The following SIRT5 variants were observed in gnomAD, a reference collection of about 807,000 sequenced individuals.
SIRT5 encodes the protein sirtuin 5.
A neutral mutation model predicts 40.0 loss-of-function variants in SIRT5; 26 were observed. The observed-to-expected ratio is 0.65, with a 90% CI of 0.48 to 0.90. The LOEUF (loss-of-function observed/expected upper bound fraction) is 0.90, where lower values mean the gene tolerates loss of function less well. Among genes scored for constraint, SIRT5 ranks in the 40% least tolerant of loss-of-function variants. The pLI, the probability that SIRT5 is intolerant of heterozygous loss-of-function variation, is 0.00. For synonymous variants in SIRT5, 146 were observed against 149.1 expected (o/e 0.98, Z 0.15); for missense variants, 401 against 402.4 (o/e 1.00, Z 0.03).
At position 13,604,378 on chromosome 6, in the gene SIRT5, A is replaced by G. The variant is rs553901159; in HGVS notation, c.857+3429A>G. ...CTCAAGCCTCCTGTCTGTTTGAAAG[A>G]CCATCAGAAAACTCGAAGAGTGGGA... is the stretch of plus-strand genomic sequence containing the variant. On this transcript the variant is annotated intron_variant, in intron 9 of 9. Transcript: ENST00000606117. 194 of 809,404 alleles carry G rather than the reference A, an allele frequency of 2.4e-4. 1 individual carries two copies. Among genetic ancestry groups the G allele is most frequent in the East Asian group, 4.0e-4 (16 of 40,402 alleles). 50.1% of individuals were successfully genotyped at this position (809,404 alleles called of 1,614,324 possible). A position where few individuals can be genotyped will look rare whatever the true frequency, so the allele number is the denominator to read the frequency against.
chr6:13,590,800 TGTG>T (rs752382248), intron 4 of SIRT5, among the ~76,000 whole-genome samples: 4 of 146,858 alleles, frequency 2.7e-5, no homozygotes, highest in Admixed American at 1.3e-4. Flanking sequence ...TGTATGTAGT[TGTG>T]TGTGTGTGTA....
At chr6:13,608,931 T>A (rs1763478783) in intron 9 of SIRT5, among the ~76,000 whole-genome samples, 1 of 152,010 alleles carries the variant, frequency 6.6e-6, no homozygotes, top group South Asian at 2.1e-4. Flanking sequence ...AAGCGATTCT[T>A]CTGCCTCAGC....
chr6:13,610,379 T>G (rs1763672322), intron 9 of SIRT5, among the ~76,000 whole-genome samples: 1 of 152,180 alleles, frequency 6.6e-6, no homozygotes, highest in African/African-American at 2.4e-5. Flanking sequence ...ATCTATTCAC[T>G]GAAAATCCTT....
chr6:13,591,089 TTG>T (rs1363489608), intron 4 of SIRT5, among the ~76,000 whole-genome samples: 2 of 151,300 alleles, frequency 1.3e-5, no homozygotes, highest in Non-Finnish European at 3.0e-5. Flanking sequence ...GTGTGTGCAG[TTG>T]TGTGTGTGTA....
At position 13,612,516 on chromosome 6, in the gene SIRT5, T is replaced by A. The variant is rs1246647447; in HGVS notation, c.*651T>A. ...CCACCACACCCAGCTAATTTTGTAT[T>A]TTTAGTAGAGACGGGGTTTCTCCAT... On this transcript the variant is annotated 3_prime_UTR_variant, in exon 10 of 10. Coordinates refer to ENST00000606117, the MANE Select transcript of SIRT5 (RefSeq NM_012241.5). 6.6e-6 allele frequency: 1 copy of A among 152,084 alleles called. No individual in the cohort carries two copies. Among genetic ancestry groups the A allele is most frequent in the Non-Finnish European group, 1.5e-5 (1 of 68,066 alleles). The allele number at this position is 152,084 out of a possible 1,614,324, so 9.4% of individuals were successfully genotyped here. A position where few individuals can be genotyped will look rare whatever the true frequency, so the allele number is the denominator to read the frequency against.
intron 9 of SIRT5, among the ~76,000 whole-genome samples, chr6:13,611,234 T>TAC (rs1357585285): frequency 7.5e-6 from 1 of 132,682 alleles, no homozygotes; most frequent in Non-Finnish European, 1.6e-5. Flanking sequence ...TATATATATA[T>TAC]ATACACACAC....
In SIRT5 at chr6:13,613,958, A is replaced by G. The variant is rs1229392331; in HGVS notation, c.*2093A>G. On this transcript the variant is annotated 3_prime_UTR_variant, in exon 10 of 10. Transcript: ENST00000606117. ...GTTCTTTGCAATTCCTCTCATACTG[A>G]ACCTCTGGTTCAGCAGCTTTTTTTG... 6.6e-6 allele frequency: 1 copy of G among 152,174 alleles called. No homozygotes were observed. The highest frequency in any genetic ancestry group is 1.9e-4 in the East Asian group (1 of 5,200). The allele number at this position is 152,174 out of a possible 1,614,324, so 9.4% of individuals were successfully genotyped here.
intron 2 of SIRT5, among the ~76,000 whole-genome samples, chr6:13,582,512 A>G (rs1416128650): frequency 1.3e-5 from 2 of 151,658 alleles, no homozygotes; most frequent in African/African-American, 4.8e-5. Context: ...GTCTAATAAA[A>G]TTAACCCTTT....
At chr6:13,604,671 G>A (rs1762869791) in intron 9 of SIRT5, 1 of 1,405,460 alleles carries the variant, frequency 7.1e-7, no homozygotes, top group South Asian at 1.6e-5. Flanking sequence ...TGGATATGGT[G>A]GCTGTGTCTT....
At chr6:13,599,983 GGT>G (rs1285353625) in intron 8 of SIRT5, among the ~76,000 whole-genome samples, 1 of 152,168 alleles carries the variant, frequency 6.6e-6, no homozygotes, top group Non-Finnish European at 1.5e-5. Flanking sequence ...TTGACTGTAT[GGT>G]GTTATATATG....
intron 2 of SIRT5, among the ~76,000 whole-genome samples, chr6:13,581,532 T>C (rs1169806976): frequency 2.0e-5 from 3 of 152,238 alleles, no homozygotes; most frequent in Non-Finnish European, 4.4e-5. Context: ...AGCTGCCAGC[T>C]TTTCTACTAT....
chr6:13,596,879 C>A, intron 6 of SIRT5, 84 bp from the exon 7 acceptor site: 1 of 1,114,360 alleles, frequency 9.0e-7, no homozygotes, highest in Non-Finnish European at 1.3e-6. Flanking sequence ...TACTGCCAGG[C>A]AAATATACAA....
chr6:13,594,181 TAAC>T (rs1761293203), intron 5 of SIRT5, among the ~76,000 whole-genome samples: 1 of 152,178 alleles, frequency 6.6e-6, no homozygotes, highest in African/African-American at 2.4e-5. Flanking sequence ...CCACGGAGAA[TAAC>T]AACAAAGTCA....
rs546355246 is a variant in SIRT5 at position 13,575,182 on chromosome 6, T to A, written c.-195+438T>A. 2.2e-3 allele frequency among the ~76,000 whole-genome samples: 335 copies of A among 152,026 alleles called. 4 individuals are homozygous for A. Among genetic ancestry groups the A allele is most frequent in the African/African-American group, 7.7e-3 (321 of 41,458 alleles). On this transcript the variant is annotated intron_variant, in intron 1 of 9. Transcript: ENST00000606117. ...GCCCGCGTGGAGTGGAAGCTGCCTC[T>A]TGGACACAGGGCGGGGAGGCCGCAT...
chr6:13,614,760 C>G lies in SIRT5; in HGVS notation c.*2895C>G, dbSNP rs958291446. 2 of 152,254 alleles carry G rather than the reference C, an allele frequency of 1.3e-5. No individual in the cohort carries two copies. The highest frequency in any genetic ancestry group is 4.8e-5 in the African/African-American group (2 of 41,454). 9.4% of individuals were successfully genotyped at this position (152,254 alleles called of 1,614,324 possible). Reference sequence around the variant, plus strand: ...GCTGCGGCCGCGGAGCTGGGAAGGCCGAGGGCGCCGGGCACGTCTGTGCAG... The same window carrying G: ...GCTGCGGCCGCGGAGCTGGGAAGGCGGAGGGCGCCGGGCACGTCTGTGCAG... On this transcript the variant is annotated 3_prime_UTR_variant, in exon 10 of 10. Coordinates refer to ENST00000606117, the MANE Select transcript of SIRT5 (RefSeq NM_012241.5).
At chr6:13,602,272 A>G (rs771547134) in intron 9 of SIRT5, among the ~76,000 whole-genome samples, 1 of 152,216 alleles carries the variant, frequency 6.6e-6, no homozygotes, top group Non-Finnish European at 1.5e-5. Context: ...TGAAAATGCA[A>G]GGGACCCAAA....
intron 4 of SIRT5, 88 bp downstream of exon 4, chr6:13,588,552 C>T (rs1296603856): frequency 6.9e-7 from 1 of 1,443,004 alleles, no homozygotes; most frequent in African/African-American, 1.4e-5. Context: ...TCCCCGAAAC[C>T]CCAGGGAAAT....
At chr6:13,585,279 C>T (rs964841975) in intron 3 of SIRT5, among the ~76,000 whole-genome samples, 2 of 151,902 alleles carry the variant, frequency 1.3e-5, no homozygotes, top group African/African-American at 4.8e-5. Context: ...TTCTAGGGTA[C>T]ATGTGCACAA....
At chr6:13,609,020 C>T (rs369718800) in intron 9 of SIRT5, among the ~76,000 whole-genome samples, 3 of 152,258 alleles carry the variant, frequency 2.0e-5, no homozygotes, top group Admixed American at 6.5e-5. Flanking sequence ...CAGGGTTTCA[C>T]CATGTTGGCC....
Sources: gnomAD v4.1 joint callset for allele counts (sites outside exome capture counted in the v4.1 genomes callset) on GRCh38, gnomAD v4.1.1 for gene constraint, MANE v1.5 for transcripts, NCBI Gene and HGNC (gene_info 2026-07-23, HGNC 2026-07-21) for gene names.